Variants in NFIB observed in about 807,000 individuals in gnomAD.
NFIB encodes nuclear factor 1 B-type.
In NFIB, 11 loss-of-function variants were observed where a neutral mutation model predicts 61.5. That is an observed-to-expected ratio of 0.18 (90% CI 0.11 to 0.30). NFIB has a LOEUF of 0.30. NFIB is among the 10% of genes least tolerant of loss of function. The pLI is 1.00. For synonymous variants in NFIB, 260 were observed against 216.5 expected, an observed-to-expected ratio of 1.20 and a Z score of -1.76; for missense variants, 471 against 608.9, an observed-to-expected ratio of 0.77 and a Z score of 2.38.
At chr9:14,483,519 C>T in the NFIB span, among the ~76,000 whole-genome samples, 1 of 152,174 alleles carries the variant, frequency 6.6e-6, no homozygotes, top group African/African-American at 2.4e-5. Context: ...TGGGGTCAGA[C>T]ATCCTGAGTT....
intron 1 of NFIB, among the ~76,000 whole-genome samples, chr9:14,352,847 G>A (rs1216168476): frequency 6.6e-6 from 1 of 152,244 alleles, no homozygotes; most frequent in Non-Finnish European, 1.5e-5. Context: ...GAACAGAGGA[G>A]TTTCAGGAGT....
At chr9:14,207,838 T>C (rs2049902883) in intron 2 of NFIB, among the ~76,000 whole-genome samples, 1 of 152,132 alleles carries the variant, frequency 6.6e-6, no homozygotes, top group Non-Finnish European at 1.5e-5. Context: ...AAGAGCCCGT[T>C]TCCATTGCCA....
intron 10 of NFIB, chr9:14,102,565 G>T: frequency 7.0e-7 from 1 of 1,425,760 alleles, no homozygotes. Context: ...ACAGTTTTTA[G>T]TATTTAAATG....
At chr9:14,391,098 G>T (rs1201120787) in intron 1 of NFIB, among the ~76,000 whole-genome samples, 1 of 152,174 alleles carries the variant, frequency 6.6e-6, no homozygotes, top group Non-Finnish European at 1.5e-5. Flanking sequence ...CCTTAAGCAT[G>T]GGCTGTGCTT....
chr9:14,179,890 G>A (rs1374535882), intron 2 of NFIB, 110 bp from the exon 3 acceptor site: 2 of 984,390 alleles, frequency 2.0e-6, no homozygotes, highest in Non-Finnish European at 1.5e-6. Flanking sequence ...GAAGTTGAGT[G>A]CTTAAATAAA....
At chr9:14,399,371 C>A (rs1280873135), upstream of NFIB, among the ~76,000 whole-genome samples, 2 of 152,280 alleles carry the variant, frequency 1.3e-5, no homozygotes, top group Admixed American at 6.5e-5. Flanking sequence ...CTTAATTTTG[C>A]AGCTGACATT....
the NFIB span, among the ~76,000 whole-genome samples, chr9:14,483,210 T>G: frequency 6.6e-6 from 1 of 152,206 alleles, no homozygotes; most frequent in South Asian, 2.1e-4. Flanking sequence ...TTTTAGTTTG[T>G]GACTAAAATT....
the NFIB span, among the ~76,000 whole-genome samples, chr9:14,454,313 A>G: frequency 6.6e-6 from 1 of 152,234 alleles, no homozygotes; most frequent in Non-Finnish European, 1.5e-5. Context: ...TGAGAAGATT[A>G]TGTTGCTATT....
rs777560862 is a variant in NFIB, at chr9:14,083,218, G to A, written c.*5091C>T. ...AATGTGACCAACAGATCTGTGGCAC[G>A]GACACAGTACAAAGAGTTGTCATGG... On this transcript the variant is annotated 3_prime_UTR_variant, in exon 11 of 11. Transcript: ENST00000380953. 3.1e-5 allele frequency: 7 copies of A among 223,320 alleles called. No homozygotes were observed. The highest frequency in any genetic ancestry group is 1.8e-4 in the South Asian group (1 of 5,442). The allele number at this position is 223,320 out of a possible 1,614,324, so 13.8% of individuals were successfully genotyped here.
At chr9:14,252,136 G>C (rs1300533279) in intron 2 of NFIB, among the ~76,000 whole-genome samples, 1 of 152,056 alleles carries the variant, frequency 6.6e-6, no homozygotes, top group African/African-American at 2.4e-5. Flanking sequence ...CCCTAATGCA[G>C]AGAATTAAAA....
rs746745207 is a variant in NFIB, at chr9:14,088,247, C to T, written c.*62G>A. The T allele has an allele frequency of 2.7e-5, 43 of 1,583,800 alleles. No homozygotes were observed. The East Asian group carries it at 4.3e-4, about 16-fold the overall frequency. ...AAAGGTTCTCCAATTATGTTCAAACCGTAATTTTGGACATTGGCCGGTAAG... is the reference window on the plus strand; with the variant it reads ...AAAGGTTCTCCAATTATGTTCAAACTGTAATTTTGGACATTGGCCGGTAAG... On this transcript the variant is annotated 3_prime_UTR_variant, in exon 11 of 11. Coordinates refer to ENST00000380953, the MANE Select transcript of NFIB (RefSeq NM_001190737.2).
chr9:14,222,269 G>A (rs895444572), intron 2 of NFIB, among the ~76,000 whole-genome samples: 3 of 152,032 alleles, frequency 2.0e-5, no homozygotes, highest in African/African-American at 7.2e-5. Context: ...ACCATGGAAG[G>A]CAGAATTCTA....
At chr9:14,514,323 T>TACACACACACACACACAC in the NFIB span, among the ~76,000 whole-genome samples, 457 of 147,414 alleles carry the variant, frequency 3.1e-3, no homozygotes, top group African/African-American at 6.8e-3. Context: ...CATACATACA[T>TACACACACACACACACAC]ACATACACAC....
chr9:14,154,022 T>A lies in NFIB; in HGVS notation c.685+1803A>T, dbSNP rs184149015. Among the ~76,000 whole-genome samples, 56 of 152,276 alleles carry A rather than the reference T, an allele frequency of 3.7e-4. No individual in the cohort carries two copies. The East Asian group carries it at 7.7e-3, about 21-fold the overall frequency. On this transcript the variant is annotated intron_variant, in intron 4 of 10. Transcript: ENST00000380953. ...TGTTATAACAAATAACCTAAAAGTT[T>A]CTAGGATATGACATTATAAGTTAAG...
intron 2 of NFIB, among the ~76,000 whole-genome samples, chr9:14,185,098 T>C (rs1038936380): frequency 1.4e-5 from 2 of 139,726 alleles, no homozygotes; most frequent in Non-Finnish European, 3.2e-5. Context: ...AAAAGTATAC[T>C]CTATGCCATG....
intron 2 of NFIB, among the ~76,000 whole-genome samples, chr9:14,234,145 A>C (rs2053498352): frequency 6.6e-6 from 1 of 152,166 alleles, no homozygotes; most frequent in South Asian, 2.1e-4. Flanking sequence ...AGGAGAAATT[A>C]TCCTAAGGTA....
chr9:14,454,414 T>A, the NFIB span, among the ~76,000 whole-genome samples: 3 of 152,268 alleles, frequency 2.0e-5, no homozygotes, highest in Non-Finnish European at 4.4e-5. Flanking sequence ...GACATCAAGT[T>A]ATTCAAAGCA....
upstream of NFIB, among the ~76,000 whole-genome samples, chr9:14,316,326 C>A (rs749047533): frequency 4.6e-5 from 7 of 152,302 alleles, no homozygotes; most frequent in Non-Finnish European, 1.0e-4. Context: ...AACCCAGAGC[C>A]CAAAGAAGAA....
chr9:14,086,490 T>TC lies in NFIB; in HGVS notation c.*1818dup, dbSNP rs969594529. 6 of 211,386 alleles carry TC rather than the reference T, an allele frequency of 2.8e-5. No homozygotes were observed. The highest frequency in any genetic ancestry group is 1.4e-3 in the Middle Eastern group (1 of 696). 13.1% of individuals were successfully genotyped at this position (211,386 alleles called of 1,614,324 possible). ...ATAATTCGTATAAATTTGAAACCCC[T>TC]CCCCCCCAAATATTAATTGGAAGAT... is the stretch of plus-strand genomic sequence containing the variant. On this transcript the variant is annotated 3_prime_UTR_variant, in exon 11 of 11. Coordinates refer to ENST00000380953, the MANE Select transcript of NFIB (RefSeq NM_001190737.2).
Sources: allele counts gnomAD v4.1 joint callset (sites outside exome capture counted in the v4.1 genomes callset), GRCh38; gene constraint gnomAD v4.1.1; transcripts MANE v1.5; gene names NCBI Gene and HGNC (gene_info 2026-07-23, HGNC 2026-07-21).